The following KDM4C variants were observed in gnomAD, a reference collection of about 807,000 sequenced individuals.
KDM4C encodes lysine demethylase 4C.
In KDM4C, 81 loss-of-function variants were observed where a neutral mutation model predicts 129.3. That is an observed-to-expected ratio of 0.63 (90% CI 0.52 to 0.75). KDM4C has a LOEUF of 0.75. Among genes scored for constraint, KDM4C ranks in the 30% least tolerant of loss-of-function variants. The pLI, the probability that KDM4C is intolerant of heterozygous loss-of-function variation, is 0.00. For missense variants in KDM4C, 1,457 were observed against 1,304.0 expected (o/e 1.12, Z -1.81); for synonymous variants, 573 against 456.1 (o/e 1.26, Z -3.26).
In KDM4C at chr9:7,165,224, T is replaced by G. The variant is rs1844252438; in HGVS notation, c.2782-14T>G. Reference sequence around the variant, plus strand: ...GCACTCCTTTTGAAAAGCCTGTCTCTGTTTATTCTGCAGAGCCGAGACTGT... The same window carrying G: ...GCACTCCTTTTGAAAAGCCTGTCTCGGTTTATTCTGCAGAGCCGAGACTGT... On this transcript the variant is annotated splice_polypyrimidine_tract_variant and intron_variant, in intron 19 of 21. Coordinates refer to ENST00000381309, the MANE Select transcript of KDM4C (RefSeq NM_015061.6). 5 of 1,613,066 alleles carry G rather than the reference T, an allele frequency of 3.1e-6. 1 individual carries two copies. Among genetic ancestry groups the G allele is most frequent in the East Asian group, 2.2e-5 (1 of 44,892 alleles).
chr9:6,820,127 T>G (rs1248649102), intron 4 of KDM4C, among the ~76,000 whole-genome samples: 2 of 152,102 alleles, frequency 1.3e-5, no homozygotes, highest in Non-Finnish European at 2.9e-5. Flanking sequence ...GTTCATAGAC[T>G]TTGTGGGGTG....
intron 12 of KDM4C, among the ~76,000 whole-genome samples, chr9:7,009,567 A>G (rs1822306492): frequency 6.6e-6 from 1 of 152,188 alleles, no homozygotes; most frequent in African/African-American, 2.4e-5. Flanking sequence ...AGTCAATATA[A>G]TGATTCCTTT....
intron 5 of KDM4C, among the ~76,000 whole-genome samples, chr9:6,867,811 C>G (rs1161105912): frequency 6.6e-6 from 1 of 152,164 alleles, no homozygotes; most frequent in East Asian, 1.9e-4. Flanking sequence ...AGTTGACACA[C>G]AAAGCTTTTA....
chr9:7,137,393 C>T (rs138472106), intron 19 of KDM4C, among the ~76,000 whole-genome samples: 92 of 152,288 alleles, frequency 6.0e-4, no homozygotes, highest in African/African-American at 2.0e-3. Context: ...CTAACGTGGC[C>T]AGATGTCACT....
At chr9:7,015,701 A>T (rs540604270) in intron 14 of KDM4C, 152 bp from the exon 15 acceptor site, 53 of 435,164 alleles carry the variant, frequency 1.2e-4, no homozygotes, top group Non-Finnish European at 2.1e-4. Flanking sequence ...AGTAAGACTC[A>T]CATTCACCTT....
chr9:6,970,707 C>G (rs1325179239), intron 8 of KDM4C, among the ~76,000 whole-genome samples: 1 of 152,144 alleles, frequency 6.6e-6, no homozygotes, highest in Non-Finnish European at 1.5e-5. Context: ...CAACTTATGT[C>G]CTGTTCTTGG....
At position 7,077,294 on chromosome 9, in the gene KDM4C, G is replaced by A. The variant is rs562519011; in HGVS notation, c.2425-26391G>A. ...GATTAGTGCTTGTAATTTGATTTGCGTATTTACATTGCTTTGGACATATAG... is the reference window on the plus strand; with the variant it reads ...GATTAGTGCTTGTAATTTGATTTGCATATTTACATTGCTTTGGACATATAG... On this transcript the variant is annotated intron_variant, in intron 17 of 21. Coordinates refer to ENST00000381309, the MANE Select transcript of KDM4C (RefSeq NM_015061.6). The A allele has an allele frequency of 1.9e-5, 17 of 903,928 alleles. No homozygotes were observed. The South Asian group carries it at 2.0e-4, about 11-fold the overall frequency. 56.0% of individuals were successfully genotyped at this position (903,928 alleles called of 1,614,324 possible).
In KDM4C at chr9:6,895,471, G is replaced by A. The variant is rs1274325347; in HGVS notation, c.921+2239G>A. On this transcript the variant is annotated intron_variant, in intron 8 of 21. Coordinates refer to ENST00000381309, the MANE Select transcript of KDM4C (RefSeq NM_015061.6). ...TCCTGCATTTCAGAGCAGGCAATCC[G>A]CAAAATCCCACGTGTCATGCAAGAT... Among the ~76,000 whole-genome samples, 7 of 152,124 alleles carry A rather than the reference G, an allele frequency of 4.6e-5. No homozygotes were observed. The East Asian group carries it at 7.7e-4, about 17-fold the overall frequency.
chr9:7,143,141 C>A (rs578051565), intron 19 of KDM4C, among the ~76,000 whole-genome samples: 1 of 151,836 alleles, frequency 6.6e-6, no homozygotes, highest in African/African-American at 2.4e-5. Flanking sequence ...TTATACTGAC[C>A]CCACTTTCAG....
intron 17 of KDM4C, among the ~76,000 whole-genome samples, chr9:7,092,270 G>A (rs1319826257): frequency 2.0e-5 from 3 of 152,138 alleles, no homozygotes; most frequent in Non-Finnish European, 4.4e-5. Flanking sequence ...AGGCTCAGAG[G>A]GACATGGTAA....
chr9:7,102,082 T>A (rs1374261614), intron 17 of KDM4C, among the ~76,000 whole-genome samples: 1 of 152,190 alleles, frequency 6.6e-6, no homozygotes, highest in Non-Finnish European at 1.5e-5. Flanking sequence ...CTTTTTAGTT[T>A]TATGGTTCTG....
intron 8 of KDM4C, among the ~76,000 whole-genome samples, chr9:6,957,799 G>A (rs1279455395): frequency 6.6e-6 from 1 of 152,156 alleles, no homozygotes; most frequent in Non-Finnish European, 1.5e-5. Context: ...TCTGCATACT[G>A]GCCCTCTTGC....
At chr9:6,849,830 T>C (rs187886596) in intron 5 of KDM4C, 130 bp downstream of exon 5, 45 of 705,950 alleles carry the variant, frequency 6.4e-5, no homozygotes, top group Non-Finnish European at 9.9e-5. Context: ...AGTTTTTGAC[T>C]GTAATAGTTA....
rs1371254750 is a variant in KDM4C at position 6,907,492 on chromosome 9, C to G, written c.921+14260C>G. Among the ~76,000 whole-genome samples the G allele has an allele frequency of 2.6e-5, 4 of 152,118 alleles. No individual in the cohort carries two copies. In the East Asian group the frequency reaches 5.8e-4, roughly 22 times the overall value. On this transcript the variant is annotated intron_variant, in intron 8 of 21. Coordinates refer to ENST00000381309, the MANE Select transcript of KDM4C (RefSeq NM_015061.6). ...GCTCTGGACCAATGTCTAAATGCAT[C>G]TTATAGACACATAGCAGAGATGTTT...
intron 4 of KDM4C, 131 bp from the exon 5 acceptor site, chr9:6,849,376 A>G (rs895408225): frequency 1.5e-6 from 1 of 651,886 alleles, no homozygotes; most frequent in Non-Finnish European, 2.4e-6. Flanking sequence ...GAGTTGTTTT[A>G]TTTTTCAGTT....
chr9:6,891,964 C>G (rs1846174291), intron 7 of KDM4C, among the ~76,000 whole-genome samples: 2 of 152,028 alleles, frequency 1.3e-5, no homozygotes, highest in Admixed American at 6.6e-5. Context: ...TACATTATAT[C>G]TCAAAGAAAA....
chr9:6,919,027 G>A (rs1196913124), intron 8 of KDM4C, among the ~76,000 whole-genome samples: 1 of 151,520 alleles, frequency 6.6e-6, no homozygotes, highest in Non-Finnish European at 1.5e-5. Flanking sequence ...AATTTTTGTA[G>A]TTTTTAGTAG....
intron 12 of KDM4C, among the ~76,000 whole-genome samples, chr9:6,994,606 C>G (rs1411903053): frequency 6.6e-6 from 1 of 152,174 alleles, no homozygotes; most frequent in Non-Finnish European, 1.5e-5. Context: ...GCTTAAATCA[C>G]TTATGGATTC....
chr9:7,084,279 T>C (rs917531283), intron 17 of KDM4C, among the ~76,000 whole-genome samples: 1 of 152,140 alleles, frequency 6.6e-6, no homozygotes, highest in African/African-American at 2.4e-5. Flanking sequence ...ATAGTTCATA[T>C]AGGGGCTGCT....
Sources: gnomAD v4.1 joint callset for allele counts (sites outside exome capture counted in the v4.1 genomes callset) on GRCh38, gnomAD v4.1.1 for gene constraint, MANE v1.5 for transcripts, NCBI Gene and HGNC (gene_info 2026-07-23, HGNC 2026-07-21) for gene names.